TLN2: variants seen among roughly 807,000 people sequenced by gnomAD.
TLN2 encodes the protein talin 2, also known as talin-2.
A neutral mutation model predicts 294.7 loss-of-function variants in TLN2; 118 were observed. The ratio of observed to expected loss-of-function variants is 0.40; its 90% confidence interval spans 0.34 to 0.47. The LOEUF (loss-of-function observed/expected upper bound fraction) is 0.47. Among genes scored for constraint, TLN2 ranks in the 20% least tolerant of loss-of-function variants. TLN2 has a pLI of 0.84. For missense variants in TLN2, 3,083 were observed against 3,282.2 expected, an observed-to-expected ratio of 0.94 and a Z score of 1.48; for synonymous variants, 1,431 against 1,304.5, an observed-to-expected ratio of 1.10 and a Z score of -2.09.
In TLN2 at chr15:62,784,188, T is replaced by C. The variant is rs376285894; in HGVS notation, c.5736+298T>C. On this transcript the variant is annotated intron_variant, in intron 45 of 58. Coordinates refer to ENST00000636159, the MANE Select transcript of TLN2 (RefSeq NM_015059.3). ...GTCCCTAGCCCTGTCACCTGTCTCTTTTAGCATGCCCAAGCTTGGGACTGC... is the reference window on the plus strand; with the variant it reads ...GTCCCTAGCCCTGTCACCTGTCTCTCTTAGCATGCCCAAGCTTGGGACTGC... 3 of 414,790 alleles carry C rather than the reference T, an allele frequency of 7.2e-6. No individual in the cohort carries two copies. In the Admixed American group the frequency reaches 1.2e-4, roughly 17 times the overall value. 25.7% of individuals were successfully genotyped at this position (414,790 alleles called of 1,614,324 possible). A position where few individuals can be genotyped will look rare whatever the true frequency, so the allele number is the denominator to read the frequency against.
chr15:62,464,338 C>T (rs2036985932), intron 1 of TLN2, among the ~76,000 whole-genome samples: 1 of 152,140 alleles, frequency 6.6e-6, no homozygotes, highest in Non-Finnish European at 1.5e-5. Flanking sequence ...AAACCAAACA[C>T]TACATGTTCT....
rs183109486 is a variant in TLN2 at position 62,661,201 on chromosome 15, A to G, written c.788+3303A>G. On this transcript the variant is annotated intron_variant, in intron 9 of 58. Coordinates refer to ENST00000636159, the MANE Select transcript of TLN2 (RefSeq NM_015059.3). ...ATTGGAGAAGATGAGAGTTACTGGTAGACTTCAGCTCTTAAATCAAGTATA... is the reference window on the plus strand; with the variant it reads ...ATTGGAGAAGATGAGAGTTACTGGTGGACTTCAGCTCTTAAATCAAGTATA... Among the ~76,000 whole-genome samples the G allele has an allele frequency of 5.9e-5, 9 of 152,330 alleles. No homozygotes were observed. In the East Asian group the frequency reaches 1.5e-3, roughly 26 times the overall value.
chr15:62,625,630 C>T (rs931514232), intron 3 of TLN2, among the ~76,000 whole-genome samples: 51 of 152,192 alleles, frequency 3.4e-4, no homozygotes, highest in African/African-American at 1.1e-3. Context: ...TGGGGGAGGA[C>T]GGGAACTCCC....
chr15:62,686,700 G>A lies in TLN2; in HGVS notation c.1017G>A (p.Ser339=), dbSNP rs747801249. 2.5e-5 allele frequency: 41 copies of A among 1,613,892 alleles called. No homozygotes were observed. Among genetic ancestry groups the A allele is most frequent in the South Asian group, 6.6e-5 (6 of 91,066 alleles). The change falls in exon 12 of 59, where the codon TCG becomes TCA. Residue 339 remains serine, a synonymous_variant. Coordinates refer to ENST00000636159, the MANE Select transcript of TLN2 (RefSeq NM_015059.3). ...VPRLLGITKD[S]VMRVDEKTKE... ...GCCTGCTGGGGATCACCAAAGACTC[G>A]GTGATGCGCGTGGATGAGAAGACCA...
intron 1 of TLN2, among the ~76,000 whole-genome samples, chr15:62,427,262 G>A (rs1426329933): frequency 2.0e-5 from 3 of 152,186 alleles, no homozygotes; most frequent in East Asian, 1.9e-4. Flanking sequence ...GGCTGGGATA[G>A]TGTGTGTCTC....
At chr15:62,693,955 C>CTTTT (rs71131123) in intron 13 of TLN2, among the ~76,000 whole-genome samples, 8 of 94,228 alleles carry the variant, frequency 8.5e-5, no homozygotes, top group African/African-American at 3.2e-4. Context: ...GATTTTCTTT[C>CTTTT]TTTTTTTTTT....
intron 1 of TLN2, among the ~76,000 whole-genome samples, chr15:62,573,991 G>T (rs1031908502): frequency 3.9e-5 from 6 of 152,092 alleles, no homozygotes; most frequent in Non-Finnish European, 7.4e-5. Flanking sequence ...GGGAAAAGAT[G>T]CAGCCCTTCC....
intron 9 of TLN2, among the ~76,000 whole-genome samples, chr15:62,660,213 C>T (rs78714713): frequency 0.014 from 2,115 of 152,196 alleles, 62 homozygotes; most frequent in African/African-American, 0.049. Flanking sequence ...CATTTTTGCT[C>T]GAAGTTGCAA....
intron 1 of TLN2, among the ~76,000 whole-genome samples, chr15:62,433,743 C>T (rs1412050782): frequency 1.3e-5 from 2 of 152,106 alleles, no homozygotes; most frequent in Non-Finnish European, 2.9e-5. Flanking sequence ...GTCTCCTGTC[C>T]AGATTCACTT....
chr15:62,656,224 C>T (rs1044460437), intron 8 of TLN2, 138 bp downstream of exon 8: 33 of 1,087,592 alleles, frequency 3.0e-5, no homozygotes, highest in African/African-American at 4.7e-5. Flanking sequence ...GCTCGTGGGT[C>T]CCCGCATGTG....
intron 11 of TLN2, among the ~76,000 whole-genome samples, chr15:62,684,921 G>A (rs559691449): frequency 1.3e-5 from 2 of 150,378 alleles, no homozygotes; most frequent in East Asian, 3.9e-4. Context: ...TGTGTTGGGT[G>A]TGTGTAGACA....
chr15:62,648,697 A>G (rs1291779397), intron 4 of TLN2, among the ~76,000 whole-genome samples: 1 of 151,732 alleles, frequency 6.6e-6, no homozygotes, highest in Admixed American at 6.6e-5. Flanking sequence ...ACAGGTGCAC[A>G]CCACCATACC....
intron 45 of TLN2, among the ~76,000 whole-genome samples, chr15:62,785,527 C>T (rs1001402988): frequency 2.0e-5 from 3 of 152,224 alleles, no homozygotes; most frequent in African/African-American, 7.2e-5. Flanking sequence ...TGGTGTGCGC[C>T]TGTAATCCCA....
At chr15:62,596,223 C>T (rs1156699146) in intron 2 of TLN2, among the ~76,000 whole-genome samples, 4 of 146,016 alleles carry the variant, frequency 2.7e-5, no homozygotes, top group Admixed American at 1.4e-4. Context: ...CGAGATTGCG[C>T]CACTGCACTC....
Position 62,739,560 on chromosome 15 carries a change from G to T in TLN2, c.3885+15G>T. The T allele has an allele frequency of 6.2e-7, 1 of 1,613,804 alleles. No individual in the cohort carries two copies. The highest frequency in any genetic ancestry group is 2.2e-5 in the East Asian group (1 of 44,880). ...GCCAAGCTCAGGTGGGTGTGGAGGT[G>T]GTTGTCTGGAGTTGACCTTAGCCTC... On this transcript the variant is annotated intron_variant, in intron 31 of 58. Coordinates refer to ENST00000636159, the MANE Select transcript of TLN2 (RefSeq NM_015059.3).
chr15:62,637,544 AG>A (rs1280475464), intron 3 of TLN2: 1 of 152,244 alleles, frequency 6.6e-6, no homozygotes, highest in African/African-American at 2.4e-5. Flanking sequence ...GTATCTTCCC[AG>A]AACCTCTGTT....
At chr15:62,436,474 C>T (rs1265299761) in intron 1 of TLN2, among the ~76,000 whole-genome samples, 1 of 152,164 alleles carries the variant, frequency 6.6e-6, no homozygotes, top group Non-Finnish European at 1.5e-5. Flanking sequence ...GTTTGCCAGC[C>T]TTTCGTGAGC....
chr15:62,830,458 C>G (rs2068706928), intron 54 of TLN2: 1 of 152,300 alleles, frequency 6.6e-6, no homozygotes, highest in African/African-American at 2.4e-5. Flanking sequence ...TTAGGAAAGT[C>G]CTTTGAAGAC....
intron 57 of TLN2, chr15:62,838,166 G>C (rs766475293): frequency 6.6e-6 from 1 of 152,190 alleles, no homozygotes; most frequent in Non-Finnish European, 1.5e-5. Context: ...CTAAAAGTAC[G>C]AGCAAAAGGC....
Sources: allele counts gnomAD v4.1 joint callset (sites outside exome capture counted in the v4.1 genomes callset), GRCh38; gene constraint gnomAD v4.1.1; transcripts MANE v1.5; gene names NCBI Gene and HGNC (gene_info 2026-07-23, HGNC 2026-07-21).